PCDHGA4: variants seen among roughly 807,000 people sequenced by gnomAD.
PCDHGA4 encodes the protein protocadherin gamma-A4.
A neutral mutation model predicts 54.6 loss-of-function variants in PCDHGA4; 38 were observed. The ratio of observed to expected loss-of-function variants is 0.70; its 90% CI spans 0.54 to 0.91. The LOEUF is 0.91. Among genes scored for constraint, PCDHGA4 ranks in the 40% least tolerant of loss-of-function variants. The pLI is 0.00. For synonymous variants in PCDHGA4, 511 were observed against 512.9 expected (o/e 1.00, Z 0.05); for missense variants, 1,298 against 1,220.9 (o/e 1.06, Z -0.94).
chr5:141,393,851 A>T (rs758721118), intron 1 of PCDHGA4: 2 of 1,613,988 alleles, frequency 1.2e-6, no homozygotes, highest in Non-Finnish European at 1.7e-6. Context: ...ATAGACCAGA[A>T]GTGATCATTA....
At position 141,393,513 on chromosome 5, in the gene PCDHGA4, G is replaced by A. The variant is rs376672994; in HGVS notation, c.2514+35892G>A. The A allele has an allele frequency of 6.6e-5, 107 of 1,614,000 alleles. 1 individual carries two copies. In the Middle Eastern group the frequency reaches 1.3e-3, roughly 20 times the overall value. ...AGTGCGCATCCACGTGACAGTGTTG[G>A]ATACAAATGACAATGCCCCGGTTTT... On this transcript the variant is annotated intron_variant, in intron 1 of 3. Transcript: ENST00000571252.
chr5:141,473,850 G>A (rs1490458424), intron 1 of PCDHGA4, among the ~76,000 whole-genome samples: 1 of 152,184 alleles, frequency 6.6e-6, no homozygotes, highest in African/African-American at 2.4e-5. Flanking sequence ...TTAGGAAGAT[G>A]AACCTCGCTA....
chr5:141,488,751 C>T (rs1185515068), intron 1 of PCDHGA4, among the ~76,000 whole-genome samples: 1 of 152,154 alleles, frequency 6.6e-6, no homozygotes, highest in Non-Finnish European at 1.5e-5. Context: ...CAGGAAGTTG[C>T]TGGGACAGAA....
In PCDHGA4 at chr5:141,399,258, G is replaced by T; in HGVS notation, c.2514+41637G>T. On this transcript the variant is annotated intron_variant, in intron 1 of 3. Coordinates refer to ENST00000571252, the MANE Select transcript of PCDHGA4 (RefSeq NM_018917.4). ...ACCAAGATTCTGGGGAAAATGGGGA[G>T]GTTAATTGTCAATTACAAGGCGAAG... 4 of 1,613,870 alleles carry T rather than the reference G, an allele frequency of 2.5e-6. No homozygotes were observed. Among genetic ancestry groups the T allele is most frequent in the East Asian group, 2.2e-5 (1 of 44,878 alleles).
intron 1 of PCDHGA4, chr5:141,365,783 G>A: frequency 6.2e-7 from 1 of 1,613,842 alleles, no homozygotes; most frequent in Non-Finnish European, 8.5e-7. Flanking sequence ...CGGCGACAAC[G>A]CTCGAGTCAC....
chr5:141,508,270 G>C lies in PCDHGA4; in HGVS notation c.2663-2677G>C, dbSNP rs547745015. On this transcript the variant is annotated intron_variant, in intron 3 of 3. Coordinates refer to ENST00000571252, the MANE Select transcript of PCDHGA4 (RefSeq NM_018917.4). Reference sequence around the variant, plus strand: ...TCTCCTGGGACCAAGAGAAAATCCCGGTCCTTGACCAAGGTGGGCCTTGGG... The same window carrying C: ...TCTCCTGGGACCAAGAGAAAATCCCCGTCCTTGACCAAGGTGGGCCTTGGG... 4 of 152,228 alleles carry C rather than the reference G, an allele frequency of 2.6e-5. No individual in the cohort carries two copies. The East Asian group carries it at 7.7e-4, about 29-fold the overall frequency. 9.4% of individuals were successfully genotyped at this position (152,228 alleles called of 1,614,324 possible). A position where few individuals can be genotyped will look rare whatever the true frequency, so the allele number is the denominator to read the frequency against.
chr5:141,422,996 C>T (rs1473025630), intron 1 of PCDHGA4: 1 of 1,614,224 alleles, frequency 6.2e-7, no homozygotes, highest in South Asian at 1.1e-5. Context: ...TACCTGGTGA[C>T]CAAGGTGGTT....
intron 1 of PCDHGA4, chr5:141,372,068 T>C (rs770870533): frequency 3.1e-6 from 5 of 1,613,630 alleles, no homozygotes; most frequent in Non-Finnish European, 1.7e-6. Flanking sequence ...GCAACGACAA[T>C]GCACCGCTGG....
intron 1 of PCDHGA4, among the ~76,000 whole-genome samples, chr5:141,435,568 A>C (rs564789030): frequency 8.7e-4 from 132 of 152,274 alleles, no homozygotes; most frequent in Middle Eastern, 6.8e-3. Context: ...TTTTTTTAGT[A>C]CTGGGGCAAA....
chr5:141,417,869 A>C, intron 1 of PCDHGA4: 2 of 1,553,552 alleles, frequency 1.3e-6, no homozygotes, highest in South Asian at 2.4e-5. Context: ...GATGGGAGGG[A>C]GCTGCGCGCA....
chr5:141,398,704 G>A (rs1044524998), intron 1 of PCDHGA4: 9 of 1,613,808 alleles, frequency 5.6e-6, no homozygotes, highest in Non-Finnish European at 7.6e-6. Flanking sequence ...TAAATACCCG[G>A]AACTGGCACT....
In PCDHGA4 at chr5:141,485,848, C is replaced by A; in HGVS notation, c.2515-8959C>A. The stretch of plus-strand genomic sequence containing the variant: ...GAGGGAACCCGCCGAGATCTGGCAC[C>A]GCAGAGCTCCGGGTATCCGTGCTGG... On this transcript the variant is annotated intron_variant, in intron 1 of 3. Transcript: ENST00000571252. This position sits in a 1 kb window ranked among gnomAD's most constrained non-coding sequence, Gnocchi z 5.7. 1 of 1,614,192 alleles carries A rather than the reference C, an allele frequency of 6.2e-7. No homozygotes were observed. The highest frequency in any genetic ancestry group is 8.5e-7 in the Non-Finnish European group (1 of 1,180,020).
chr5:141,499,047 GA>G (rs2099789201), intron 2 of PCDHGA4, among the ~76,000 whole-genome samples: 1 of 151,580 alleles, frequency 6.6e-6, no homozygotes, highest in South Asian at 2.1e-4. Flanking sequence ...GAAAAAGGGA[GA>G]AAAAATGAAG....
Sources: allele counts gnomAD v4.1 joint callset (sites outside exome capture counted in the v4.1 genomes callset), GRCh38; gene constraint gnomAD v4.1.1; non-coding constraint Gnocchi (gnomAD v3.1); transcripts MANE v1.5; gene names NCBI Gene and HGNC (gene_info 2026-07-23, HGNC 2026-07-21).